Variants in NAALAD2 observed in about 807,000 individuals in gnomAD.
NAALAD2 encodes the protein N-acetylated alpha-linked acidic dipeptidase 2.
NAALAD2 carries 89 observed loss-of-function variants against 95.6 expected under a neutral mutation model. The observed-to-expected ratio is 0.93, with a 90% CI of 0.78 to 1.11. The LOEUF (loss-of-function observed/expected upper bound fraction) is 1.11, where lower values mean the gene tolerates loss of function less well. Among genes scored for constraint, NAALAD2 ranks in the 50% least tolerant of loss-of-function variants. The pLI is 0.00. For synonymous variants in NAALAD2, 264 were observed against 294.4 expected (o/e 0.90, Z 1.06); for missense variants, 894 against 872.4 (o/e 1.02, Z -0.31).
At chr11:90,154,811 A>G (rs1308383493) in intron 6 of NAALAD2, among the ~76,000 whole-genome samples, 1 of 146,866 alleles carries the variant, frequency 6.8e-6, no homozygotes, top group Non-Finnish European at 1.5e-5. Flanking sequence ...ATATATATGT[A>G]ATATATGTAA....
chr11:90,154,605 T>C (rs1951980233), intron 6 of NAALAD2, among the ~76,000 whole-genome samples: 1 of 151,504 alleles, frequency 6.6e-6, no homozygotes, highest in African/African-American at 2.4e-5. Flanking sequence ...TGTAATATCT[T>C]TGTGTCATTT....
At chr11:90,150,266 A>G (rs1286933119) in intron 4 of NAALAD2, among the ~76,000 whole-genome samples, 3 of 152,054 alleles carry the variant, frequency 2.0e-5, no homozygotes, top group African/African-American at 7.2e-5. Context: ...AATAATAAAT[A>G]AATAAATAAC....
chr11:90,170,161 A>AT (rs1565537793), intron 13 of NAALAD2, 25 bp downstream of exon 13: 4 of 1,378,816 alleles, frequency 2.9e-6, no homozygotes, highest in Non-Finnish European at 4.1e-6. Flanking sequence ...GTGTCTTCAT[A>AT]TGTTCTCTTT....
At chr11:90,183,035 A>T in intron 18 of NAALAD2, 27 bp downstream of exon 18, 1 of 1,554,490 alleles carries the variant, frequency 6.4e-7, no homozygotes, top group Admixed American at 1.7e-5. Context: ...CGCCAAATAC[A>T]TCACTGTGAC....
Position 90,135,606 on chromosome 11 carries a change from C to G in NAALAD2, c.130C>G (p.His44Asp), listed in dbSNP as rs374037481. Residue 44 changes from histidine (H) to aspartate (D), a missense_variant, in exon 2 of 19, where the codon CAT becomes GAT. His to Asp is a moderately conservative substitution (Grantham distance 81). Transcript: ENST00000534061. ...LKETTTSVRY[H>D]QSIRWKLVSE... is the part of the protein sequence containing the mutation. ...AGAAACGACCACTTCTGTGCGCTAT[C>G]ATCAAAGTATACGGTGGAAACTGGT... 1 of 1,613,276 alleles carries G rather than the reference C, an allele frequency of 6.2e-7. No individual in the cohort carries two copies. Among genetic ancestry groups the G allele is most frequent in the Non-Finnish European group, 8.5e-7 (1 of 1,179,676 alleles).
chr11:90,159,309 C>A lies in NAALAD2; in HGVS notation c.961C>A (p.Pro321Thr), dbSNP rs1420085605. 2.5e-6 allele frequency: 4 copies of A among 1,613,550 alleles called. No individual in the cohort carries two copies. Among genetic ancestry groups the A allele is most frequent in the Non-Finnish European group, 2.5e-6 (3 of 1,179,702 alleles). ...CCTTAATGTGAGTTATAGTATCGGA[C>A]CTGGCTTTACAGGGAGTGATTCTTT... ...GALNVSYSIG[P>T]GFTGSDSFRK... Residue 321 changes from proline to threonine, a missense_variant, in exon 8 of 19, where the codon CCT becomes ACT. Physicochemically the swap from Pro to Thr is conservative, Grantham distance 38. Coordinates refer to ENST00000534061, the MANE Select transcript of NAALAD2 (RefSeq NM_005467.4).
chr11:90,148,546 T>A (rs186357114), intron 3 of NAALAD2, among the ~76,000 whole-genome samples: 83 of 152,184 alleles, frequency 5.5e-4, no homozygotes, highest in African/African-American at 1.9e-3. Context: ...AATATATGAA[T>A]CTGAAAAGGT....
At chr11:90,181,549 T>C in intron 16 of NAALAD2, 71 bp from the exon 17 acceptor site, 1 of 996,200 alleles carries the variant, frequency 1.0e-6, no homozygotes, top group East Asian at 2.4e-5. Flanking sequence ...CAATCTGGAA[T>C]GGGGAGGGTG....
chr11:90,188,367 C>G (rs573640818), intron 18 of NAALAD2, among the ~76,000 whole-genome samples: 2 of 152,212 alleles, frequency 1.3e-5, no homozygotes, highest in African/African-American at 2.4e-5. Context: ...AGAAGTATAA[C>G]TAAATGTTTA....
At chr11:90,134,514 G>C, upstream of NAALAD2, 1 of 517,058 alleles carries the variant, frequency 1.9e-6, no homozygotes, top group Non-Finnish European at 3.5e-6. Flanking sequence ...GTTACTGCGG[G>C]ATCCACAGAA....
chr11:90,181,694 CTT>C lies in NAALAD2; in HGVS notation c.1934_1935del (p.Leu645GlnfsTer11), dbSNP rs1952975552. The C allele has an allele frequency of 2.6e-6, 4 of 1,567,072 alleles. No individual in the cohort carries two copies. In the African/African-American group the frequency reaches 4.2e-5, roughly 16 times the overall value. On this transcript the variant is annotated frameshift_variant, in exon 17 of 19. Transcript: ENST00000534061. LOFTEE classifies it high-confidence loss of function. ...TCATAAACGACTTATACAAGTTGAT[CTT>C]AACAAGTAAGTTTCAAATCCCTTTT... Reference protein sequence around the residue: ...DFHKRLIQVDLNNPIAVRMMN... With the variant: ...DFHKRLIQVDXNNPIAVRMMN...
chr11:90,144,371 T>C (rs1320643507), intron 2 of NAALAD2, among the ~76,000 whole-genome samples: 2 of 152,118 alleles, frequency 1.3e-5, no homozygotes, highest in Non-Finnish European at 2.9e-5. Context: ...AGCTGAATTT[T>C]AGCCATGAGC....
intron 6 of NAALAD2, among the ~76,000 whole-genome samples, chr11:90,154,846 G>A (rs937984046): frequency 4.9e-5 from 7 of 143,322 alleles, no homozygotes; most frequent in African/African-American, 1.0e-4. Context: ...TAGTATATAC[G>A]TATACATAAT....
chr11:90,155,589 T>G (rs1952074990), intron 6 of NAALAD2, among the ~76,000 whole-genome samples: 1 of 76,988 alleles, frequency 1.3e-5, no homozygotes, highest in African/African-American at 7.0e-5. Flanking sequence ...ATATGTAATA[T>G]ATATGTAATA....
chr11:90,139,825 T>A (rs1590955212), intron 2 of NAALAD2, among the ~76,000 whole-genome samples: 1 of 150,806 alleles, frequency 6.6e-6, no homozygotes. Flanking sequence ...TTTGCAGGCA[T>A]AGCTGCCATG....
chr11:90,184,634 A>T (rs964169902), intron 18 of NAALAD2, among the ~76,000 whole-genome samples: 1 of 152,000 alleles, frequency 6.6e-6, no homozygotes, highest in African/African-American at 2.4e-5. Flanking sequence ...TCATTATTTT[A>T]AAAACTCAGG....
chr11:90,146,191 G>A (rs1333108238), intron 2 of NAALAD2, among the ~76,000 whole-genome samples: 1 of 151,366 alleles, frequency 6.6e-6, no homozygotes, highest in East Asian at 1.9e-4. Flanking sequence ...ACATGTGAAA[G>A]TGAATGTAGA....
At chr11:90,154,921 TTATATAC>T (rs1952003525) in intron 6 of NAALAD2, among the ~76,000 whole-genome samples, 3 of 65,316 alleles carry the variant, frequency 4.6e-5, no homozygotes, top group African/African-American at 2.3e-4. Context: ...TATGTATATA[TTATATAC>T]GTATACATAT....
At chr11:90,174,201 G>A (rs1056510118) in intron 14 of NAALAD2, among the ~76,000 whole-genome samples, 2 of 151,968 alleles carry the variant, frequency 1.3e-5, no homozygotes, top group African/African-American at 4.8e-5. Context: ...CATGGTAGCG[G>A]GCACTTGTAA....
Sources: gnomAD v4.1 joint callset for allele counts (sites outside exome capture counted in the v4.1 genomes callset) on GRCh38, gnomAD v4.1.1 for gene constraint, MANE v1.5 for transcripts, NCBI Gene and HGNC (gene_info 2026-07-23, HGNC 2026-07-21) for gene names.